Variants in DMXL2 observed in about 807,000 individuals in gnomAD.
The protein encoded by DMXL2 is Dmx like 2.
In DMXL2, 103 loss-of-function variants were observed where a neutral mutation model predicts 331.1. The observed-to-expected ratio is 0.31, with a 90% CI of 0.27 to 0.37. The LOEUF (loss-of-function observed/expected upper bound fraction) is 0.37, where lower values mean the gene tolerates loss of function less well. Among genes scored for constraint, DMXL2 ranks in the 10% least tolerant of loss-of-function variants. DMXL2 has a pLI of 1.00. For missense variants in DMXL2, 3,171 were observed against 3,642.9 expected (o/e 0.87, Z 3.33); for synonymous variants, 1,281 against 1,252.1 (o/e 1.02, Z -0.49).
chr15:51,479,091 T>C (rs2041815704), intron 25 of DMXL2, among the ~76,000 whole-genome samples: 1 of 152,208 alleles, frequency 6.6e-6, no homozygotes, highest in Non-Finnish European at 1.5e-5. Flanking sequence ...TGAATTCATA[T>C]GCTTTTTATG....
intron 13 of DMXL2, among the ~76,000 whole-genome samples, chr15:51,521,138 G>C (rs2047337729): frequency 6.6e-6 from 1 of 152,044 alleles, no homozygotes; most frequent in Non-Finnish European, 1.5e-5. Context: ...ATACAAGGTT[G>C]AAAATAAACA....
chr15:51,500,355 G>T (rs2043499734), intron 17 of DMXL2, 124 bp from the exon 18 acceptor site: 1 of 1,004,494 alleles, frequency 1.0e-6, no homozygotes, highest in East Asian at 2.6e-5. Flanking sequence ...GAATATCTCT[G>T]CAGTCTTCCT....
chr15:51,455,938 C>A (rs2039580494), intron 39 of DMXL2, 128 bp downstream of exon 39: 1 of 1,091,616 alleles, frequency 9.2e-7, no homozygotes, highest in African/African-American at 1.6e-5. Context: ...TGAATAGACT[C>A]CAACAAACTG....
At chr15:51,566,165 T>C in intron 3 of DMXL2, among the ~76,000 whole-genome samples, 1 of 151,824 alleles carries the variant, frequency 6.6e-6, no homozygotes, top group Non-Finnish European at 1.5e-5. Context: ...GCTATGATGA[T>C]CACACCACTG....
intron 20 of DMXL2, 122 bp from the exon 21 acceptor site, chr15:51,488,767 G>T: frequency 1.3e-6 from 1 of 797,660 alleles, no homozygotes; most frequent in Non-Finnish European, 1.9e-6. Context: ...GAAAAAGTTG[G>T]TTCTGTTTCA....
At chr15:51,509,361 A>G (rs1470961462) in intron 15 of DMXL2, among the ~76,000 whole-genome samples, 1 of 152,200 alleles carries the variant, frequency 6.6e-6, no homozygotes, top group African/African-American at 2.4e-5. Context: ...ACAATAAAAA[A>G]TGATAAAGGG....
At chr15:51,524,703 C>A (rs546740371) in intron 13 of DMXL2, among the ~76,000 whole-genome samples, 2 of 152,120 alleles carry the variant, frequency 1.3e-5, no homozygotes, top group African/African-American at 4.8e-5. Flanking sequence ...ATGGAGGGAG[C>A]CCTACCCAGA....
intron 1 of DMXL2, among the ~76,000 whole-genome samples, chr15:51,604,274 T>TAA (rs55703142): frequency 0.5 from 62,657 of 125,778 alleles, 14,480 homozygotes; most frequent in Non-Finnish European, 0.56. Context: ...AGGGCATCTA[T>TAA]AAAAAAAAAA....
intron 1 of DMXL2, among the ~76,000 whole-genome samples, chr15:51,596,527 T>C (rs1448538026): frequency 6.6e-6 from 1 of 152,202 alleles, no homozygotes; most frequent in African/African-American, 2.4e-5. Flanking sequence ...TCCTCAGGGA[T>C]CTTGAACTAG....
chr15:51,449,358 C>G (rs2038934330), intron 43 of DMXL2, among the ~76,000 whole-genome samples, 165 bp from the exon 44 acceptor site: 1 of 152,200 alleles, frequency 6.6e-6, no homozygotes, highest in Non-Finnish European at 1.5e-5. Context: ...ACACCACTCC[C>G]ACGATTCATT....
chr15:51,607,671 T>C lies in DMXL2; in HGVS notation c.87+14788A>G, dbSNP rs78452267. Among the ~76,000 whole-genome samples, 1,130 of 152,172 alleles carry C rather than the reference T, an allele frequency of 7.4e-3. 19 individuals are homozygous for C. Among genetic ancestry groups the C allele is most frequent in the African/African-American group, 0.024 (1,014 of 41,500 alleles). On this transcript the variant is annotated intron_variant, in intron 1 of 43. Coordinates refer to ENST00000560891, the MANE Select transcript of DMXL2 (RefSeq NM_001378457.1). ...CAAGCAGATTTTTTAAATGTATACATAGACCAAACACAGCAAAACTTCAGA... is the reference window on the plus strand; with the variant it reads ...CAAGCAGATTTTTTAAATGTATACACAGACCAAACACAGCAAAACTTCAGA...
Position 51,455,240 on chromosome 15 carries a change from G to A in DMXL2, c.8527-12C>T, listed in dbSNP as rs1481448588. ...TCCGCAACACCACACTGTAAGAACAGTATAACTACTAAACACATGTTCTTA... is the reference window on the plus strand; with the variant it reads ...TCCGCAACACCACACTGTAAGAACAATATAACTACTAAACACATGTTCTTA... On this transcript the variant is annotated splice_polypyrimidine_tract_variant and intron_variant, in intron 39 of 43. Coordinates refer to ENST00000560891, the MANE Select transcript of DMXL2 (RefSeq NM_001378457.1). The A allele has an allele frequency of 2.5e-6, 4 of 1,608,776 alleles. No homozygotes were observed. The highest frequency in any genetic ancestry group is 3.4e-6 in the Non-Finnish European group (4 of 1,175,136).
chr15:51,498,445 G>T, intron 18 of DMXL2, 107 bp downstream of exon 18: 2 of 1,164,318 alleles, frequency 1.7e-6, no homozygotes, highest in Non-Finnish European at 1.2e-6. Context: ...TCTTTTCCCT[G>T]CAAAGTTTGA....
intron 5 of DMXL2, 125 bp from the exon 6 acceptor site, chr15:51,563,572 C>A: frequency 1.1e-5 from 6 of 528,232 alleles, no homozygotes; most frequent in Non-Finnish European, 1.9e-5. Context: ...TTTTTGCTTC[C>A]CTAAAAATAT....
At chr15:51,466,155 A>T in intron 30 of DMXL2, 29 bp downstream of exon 30, 1 of 1,531,064 alleles carries the variant, frequency 6.5e-7, no homozygotes, top group Non-Finnish European at 8.7e-7. Flanking sequence ...AGCCAAAAAA[A>T]AAATGAGAGA....
chr15:51,536,560 T>C lies in DMXL2; in HGVS notation c.1920A>G (p.Val640=), dbSNP rs1429092726. The C allele has an allele frequency of 6.2e-7, 1 of 1,613,930 alleles. No homozygotes were observed. The part of the protein sequence containing the change: ...DKSAFTTVLT[V]SHKFRYCGHR... ...GACCGCAATATCTAAATTTGTGAGATACAGTTAGAACAGTGGTAAAGGCAG... is the reference window on the plus strand; with the variant it reads ...GACCGCAATATCTAAATTTGTGAGACACAGTTAGAACAGTGGTAAAGGCAG... The change falls in exon 12 of 44, where the codon GTA becomes GTG. Residue 640 remains valine, a synonymous_variant. Transcript: ENST00000560891.
chr15:51,452,993 AAT>A (rs1234144743), intron 41 of DMXL2, among the ~76,000 whole-genome samples: 1 of 152,210 alleles, frequency 6.6e-6, no homozygotes, highest in South Asian at 2.1e-4. Context: ...AGGAGTAGAA[AAT>A]CATATGTCGT....
At chr15:51,521,302 T>C (rs902412139) in intron 13 of DMXL2, among the ~76,000 whole-genome samples, 2 of 152,052 alleles carry the variant, frequency 1.3e-5, no homozygotes, top group Non-Finnish European at 2.9e-5. Context: ...CTCTAAAGTA[T>C]GGATAGTAAT....
intron 20 of DMXL2, among the ~76,000 whole-genome samples, chr15:51,489,936 C>T (rs747117052): frequency 1.3e-5 from 2 of 152,084 alleles, no homozygotes; most frequent in African/African-American, 4.8e-5. Context: ...ATCATAATGA[C>T]AAGACACATG....
Sources: gnomAD v4.1 joint callset for allele counts (sites outside exome capture counted in the v4.1 genomes callset) on GRCh38, gnomAD v4.1.1 for gene constraint, MANE v1.5 for transcripts, NCBI Gene and HGNC (gene_info 2026-07-23, HGNC 2026-07-21) for gene names.